Variants in GALNTL6 observed in about 807,000 individuals in gnomAD.
GALNTL6 encodes polypeptide N-acetylgalactosaminyltransferase like 6.
In GALNTL6, 46 loss-of-function variants were observed where a neutral mutation model predicts 73.7. That is an observed-to-expected ratio of 0.62 (90% CI 0.49 to 0.80). The LOEUF (loss-of-function observed/expected upper bound fraction) is 0.80. GALNTL6 is among the 30% of genes least tolerant of loss of function. The pLI is 0.00. For synonymous variants in GALNTL6, 259 were observed against 263.7 expected (o/e 0.98, Z 0.17); for missense variants, 604 against 755.0 (o/e 0.80, Z 2.34).
intron 2 of GALNTL6, among the ~76,000 whole-genome samples, chr4:172,167,544 A>C (rs1311066138): frequency 6.6e-6 from 1 of 152,260 alleles, no homozygotes; most frequent in Non-Finnish European, 1.5e-5. Flanking sequence ...TTTGGTAATA[A>C]AATTATTATC....
intron 3 of GALNTL6, among the ~76,000 whole-genome samples, chr4:172,240,127 T>G (rs567692558): frequency 6.6e-6 from 1 of 152,330 alleles, no homozygotes; most frequent in South Asian, 2.1e-4. Flanking sequence ...AATATGTTTT[T>G]CAAGTTGCAT....
chr4:172,236,554 G>A (rs1366195041), intron 3 of GALNTL6, among the ~76,000 whole-genome samples: 7 of 22,546 alleles, frequency 3.1e-4, no homozygotes, highest in South Asian at 3.4e-3. Flanking sequence ...GTAAGACTCC[G>A]TCTCAAATAA....
Position 173,037,241 on chromosome 4 carries a change from C to T in GALNTL6, c.1639-2692C>T, listed in dbSNP as rs116817372. Among the ~76,000 whole-genome samples the T allele has an allele frequency of 7.8e-3, 1,189 of 152,274 alleles. 20 individuals carry two copies. The highest frequency in any genetic ancestry group is 0.026 in the African/African-American group (1,091 of 41,546). ...GTGGATGGTCTCTAGTTTGACACCTCGTCATTTGTCTCTGTCACTAGTGAC... is the reference window on the plus strand; with the variant it reads ...GTGGATGGTCTCTAGTTTGACACCTTGTCATTTGTCTCTGTCACTAGTGAC... On this transcript the variant is annotated intron_variant, in intron 12 of 12. Coordinates refer to ENST00000506823, the MANE Select transcript of GALNTL6 (RefSeq NM_001034845.3).
intron 5 of GALNTL6, among the ~76,000 whole-genome samples, chr4:172,713,158 C>T (rs141205325): frequency 2.0e-5 from 3 of 151,244 alleles, no homozygotes; most frequent in Admixed American, 6.6e-5. Flanking sequence ...AATACTGTTA[C>T]GTGCTGTATC....
chr4:172,013,064 T>C, intron 2 of GALNTL6, among the ~76,000 whole-genome samples: 1 of 152,236 alleles, frequency 6.6e-6, no homozygotes, highest in East Asian at 1.9e-4. Flanking sequence ...ATAATAATTG[T>C]ATATATTTAT....
intron 5 of GALNTL6, among the ~76,000 whole-genome samples, chr4:172,730,071 A>T (rs548828226): frequency 6.6e-6 from 1 of 152,082 alleles, no homozygotes; most frequent in African/African-American, 2.4e-5. Context: ...TGATTTTTAT[A>T]TGTTGATTTT....
chr4:172,212,155 T>G (rs988879959), intron 2 of GALNTL6, among the ~76,000 whole-genome samples: 1 of 152,088 alleles, frequency 6.6e-6, no homozygotes, highest in Non-Finnish European at 1.5e-5. Context: ...CCTGACCTCC[T>G]TAATAATTAG....
chr4:172,389,503 AAGTT>A (rs1158999795), intron 5 of GALNTL6, among the ~76,000 whole-genome samples: 13 of 152,102 alleles, frequency 8.5e-5, no homozygotes, highest in African/African-American at 3.1e-4. Flanking sequence ...ATGTAAATAA[AAGTT>A]AAGTTGAAAA....
At chr4:172,832,492 G>T (rs1489232182) in intron 7 of GALNTL6, among the ~76,000 whole-genome samples, 2 of 152,302 alleles carry the variant, frequency 1.3e-5, no homozygotes, top group East Asian at 3.9e-4. Flanking sequence ...AATGATCTGT[G>T]TCTGTGATAA....
At chr4:172,715,377 G>C (rs946513647) in intron 5 of GALNTL6, among the ~76,000 whole-genome samples, 8 of 152,184 alleles carry the variant, frequency 5.3e-5, no homozygotes, top group Non-Finnish European at 1.2e-4. Context: ...ATGTCTCTAT[G>C]TTTCCATTAA....
intron 2 of GALNTL6, among the ~76,000 whole-genome samples, chr4:172,127,332 TTGCTACTGGGG>T (rs1733326753): frequency 6.6e-6 from 1 of 152,228 alleles, no homozygotes; most frequent in South Asian, 2.1e-4. Context: ...CACCTGAGTA[TTGCTACTGGGG>T]CCCAAGGTTG....
At chr4:172,710,876 G>T (rs1734661988) in intron 5 of GALNTL6, among the ~76,000 whole-genome samples, 1 of 152,114 alleles carries the variant, frequency 6.6e-6, no homozygotes, top group East Asian at 1.9e-4. Flanking sequence ...CCTTAGTTAT[G>T]TTAAATATTT....
intron 5 of GALNTL6, among the ~76,000 whole-genome samples, chr4:172,576,630 T>C (rs567229513): frequency 9.8e-5 from 15 of 152,286 alleles, no homozygotes; most frequent in African/African-American, 3.4e-4. Flanking sequence ...TTATCCTGCT[T>C]TGCAGAACTG....
intron 10 of GALNTL6, among the ~76,000 whole-genome samples, chr4:172,966,369 G>A (rs558855654): frequency 2.1e-4 from 32 of 151,970 alleles, no homozygotes; most frequent in African/African-American, 7.2e-4. Context: ...TGGGGTCCTG[G>A]GATGAAATTT....
rs552770652 is a variant in GALNTL6, at chr4:172,429,491, T to C, written c.553+80802T>C. On this transcript the variant is annotated intron_variant, in intron 5 of 12. Transcript: ENST00000506823. ...TCCCGAAGTGCTGGGATTACAAGCC[T>C]AACCTCTTAATATCCTCACCTTAAG... is the stretch of plus-strand genomic sequence containing the variant. 2.0e-5 allele frequency among the ~76,000 whole-genome samples: 3 copies of C among 152,286 alleles called. No individual in the cohort carries two copies. In the South Asian group the frequency reaches 6.2e-4, roughly 32 times the overall value.
intron 5 of GALNTL6, among the ~76,000 whole-genome samples, chr4:172,808,630 T>C (rs1338787561): frequency 1.3e-5 from 2 of 152,242 alleles, no homozygotes; most frequent in African/African-American, 2.4e-5. Flanking sequence ...TTGATGCATT[T>C]TGTCACAGAC....
At chr4:172,087,272 T>C (rs1472615171) in intron 2 of GALNTL6, among the ~76,000 whole-genome samples, 2 of 151,584 alleles carry the variant, frequency 1.3e-5, no homozygotes, top group South Asian at 2.1e-4. Context: ...TGAAACCCCG[T>C]CTCTACTAAA....
chr4:172,975,442 G>T (rs1380608390), intron 10 of GALNTL6, among the ~76,000 whole-genome samples: 1 of 152,206 alleles, frequency 6.6e-6, no homozygotes, highest in African/African-American at 2.4e-5. Context: ...GACGTCAGAA[G>T]AAGTGCATGC....
intron 9 of GALNTL6, among the ~76,000 whole-genome samples, chr4:172,943,712 C>T (rs1016948532): frequency 1.3e-5 from 2 of 152,144 alleles, no homozygotes; most frequent in Admixed American, 6.5e-5. Context: ...AATCATACAT[C>T]TGATAAGTGC....
Sources: allele counts gnomAD v4.1 joint callset (sites outside exome capture counted in the v4.1 genomes callset), GRCh38; gene constraint gnomAD v4.1.1; transcripts MANE v1.5; gene names NCBI Gene and HGNC (gene_info 2026-07-23, HGNC 2026-07-21).